The following DNAI3 variants were observed in gnomAD, a reference collection of about 807,000 sequenced individuals.
DNAI3 encodes WD repeat domain 63.
A neutral mutation model predicts 115.5 loss-of-function variants in DNAI3; 83 were observed. The observed-to-expected ratio is 0.72, with a 90% CI of 0.60 to 0.86. The LOEUF (loss-of-function observed/expected upper bound fraction) is 0.86, where lower values mean the gene tolerates loss of function less well. Ranked by LOEUF, DNAI3 falls within the 40% of genes least tolerant of loss-of-function variation. The pLI, the probability that DNAI3 is intolerant of heterozygous loss-of-function variation, is 0.00. For synonymous variants in DNAI3, 320 were observed against 347.0 expected, an observed-to-expected ratio of 0.92 and a Z score of 0.86; for missense variants, 1,004 against 1,075.8, an observed-to-expected ratio of 0.93 and a Z score of 0.93.
chr1:85,084,688 C>A lies in DNAI3; in HGVS notation c.533C>A (p.Thr178Lys). 2 of 1,519,668 alleles carry A rather than the reference C, an allele frequency of 1.3e-6. No individual in the cohort carries two copies. Among genetic ancestry groups the A allele is most frequent in the Non-Finnish European group, 1.8e-6 (2 of 1,132,514 alleles). The allele number at this position is 1,519,668 out of a possible 1,614,324, so 94.1% of individuals were successfully genotyped here. The change falls in exon 6 of 23, where the codon ACA becomes AAA. Residue 178 changes from threonine (T) to lysine (K), a missense_variant. Thr to Lys is a moderately conservative substitution (Grantham distance 78, BLOSUM62 -1). This residue lies in a region of DNAI3 where 550 missense variants were observed against 568.1 expected (regional missense o/e 0.97). Coordinates refer to ENST00000294664, the MANE Select transcript of DNAI3 (RefSeq NM_145172.5). ...EIEEESVTES[T>K]KQITYMISRK... Reference sequence around the variant, plus strand: ...GAGGAAGAATCAGTTACGGAATCTACAAAGCAGGTTAGAGGGTTATATATG... The same window carrying A: ...GAGGAAGAATCAGTTACGGAATCTAAAAAGCAGGTTAGAGGGTTATATATG...
At chr1:85,071,526 G>T (rs1654272453) in intron 1 of DNAI3, among the ~76,000 whole-genome samples, 2 of 152,212 alleles carry the variant, frequency 1.3e-5, no homozygotes, top group Non-Finnish European at 2.9e-5. Flanking sequence ...ACTCCCAGTG[G>T]CCTATCTTGT....
At chr1:85,095,160 G>C (rs1000662773) in intron 10 of DNAI3, among the ~76,000 whole-genome samples, 2 of 152,124 alleles carry the variant, frequency 1.3e-5, no homozygotes, top group Non-Finnish European at 2.9e-5. Flanking sequence ...GAGGCTGAAG[G>C]CTGGGTTTGC....
At chr1:85,098,785 C>CA (rs1655201559) in intron 13 of DNAI3, 127 bp downstream of exon 13, 1 of 1,372,176 alleles carries the variant, frequency 7.3e-7, no homozygotes, top group South Asian at 1.3e-5. Context: ...AACTAAGCAT[C>CA]AAAAAATGGG....
chr1:85,128,899 A>T, intron 21 of DNAI3, 100 bp downstream of exon 21: 1 of 989,102 alleles, frequency 1.0e-6, no homozygotes, highest in Non-Finnish European at 1.6e-6. Flanking sequence ...TTGCTCTGTA[A>T]GGGAACAAAA....
At chr1:85,118,687 C>T (rs1438230056) in intron 17 of DNAI3, among the ~76,000 whole-genome samples, 1 of 152,114 alleles carries the variant, frequency 6.6e-6, no homozygotes, top group Non-Finnish European at 1.5e-5. Flanking sequence ...GTGCTGGGAT[C>T]AGAAGTGAAT....
At chr1:85,103,693 C>G (rs1343887791) in intron 13 of DNAI3, among the ~76,000 whole-genome samples, 1 of 151,878 alleles carries the variant, frequency 6.6e-6, no homozygotes, top group Non-Finnish European at 1.5e-5. Context: ...TCCAAACTAG[C>G]CTGGCCAACA....
chr1:85,072,415 G>A lies in DNAI3; in HGVS notation c.64+410G>A, dbSNP rs538526449. ...TCCCAGCACTTTGGGAGGCCGAGGC[G>A]GTTGGATCACGAGGTCAGGAGTTCG... On this transcript the variant is annotated intron_variant, in intron 2 of 22. Coordinates refer to ENST00000294664, the MANE Select transcript of DNAI3 (RefSeq NM_145172.5). Among the ~76,000 whole-genome samples, 19 of 152,098 alleles carry A rather than the reference G, an allele frequency of 1.2e-4. No individual in the cohort carries two copies. In the South Asian group the frequency reaches 2.9e-3, roughly 23 times the overall value.
At chr1:85,111,402 A>C (rs920952841) in intron 16 of DNAI3, among the ~76,000 whole-genome samples, 3 of 152,008 alleles carry the variant, frequency 2.0e-5, no homozygotes. Flanking sequence ...GTATTTGATC[A>C]TTGGTTATAA....
Position 85,084,595 on chromosome 1 carries a change from A to C in DNAI3, c.440A>C (p.Glu147Ala). The change falls in exon 6 of 23, where the codon GAA becomes GCA. Residue 147 changes from glutamate (E) to alanine (A), a missense_variant. By Grantham distance (107) the Glu-to-Ala change is moderately radical. Around this residue, in one of 3 missense-constraint regions of DNAI3, gnomAD observed 550 missense variants for 568.1 expected, o/e 0.97. Coordinates refer to ENST00000294664, the MANE Select transcript of DNAI3 (RefSeq NM_145172.5). The stretch of plus-strand genomic sequence containing the variant: ...GAAGAATATAAAGAACATATTCCTG[A>C]AGATGTGTATATTTATAAACCACCT... Reference protein sequence around the residue: ...EQEEYKEHIPEDVYIYKPPVS... With the variant: ...EQEEYKEHIPADVYIYKPPVS... The C allele has an allele frequency of 6.4e-7, 1 of 1,557,316 alleles. No homozygotes were observed. The highest frequency in any genetic ancestry group is 8.7e-7 in the Non-Finnish European group (1 of 1,153,780).
intron 17 of DNAI3, among the ~76,000 whole-genome samples, chr1:85,121,228 C>T (rs549386175): frequency 3.3e-4 from 50 of 152,316 alleles, no homozygotes; most frequent in African/African-American, 1.1e-3. Context: ...CTCCTTAAAA[C>T]GGCCATAAGA....
chr1:85,081,704 G>C lies in DNAI3; in HGVS notation c.285+289G>C, dbSNP rs151154947. Among the ~76,000 whole-genome samples the C allele has an allele frequency of 9.9e-5, 15 of 152,272 alleles. No individual in the cohort carries two copies. In the East Asian group the frequency reaches 2.9e-3, roughly 29 times the overall value. On this transcript the variant is annotated intron_variant, in intron 4 of 22. Transcript: ENST00000294664. ...GGTTTCACTCCTGTCTCCCAGGCTAGAGACGCAATCATGGCGCACTGCAAC... is the reference window on the plus strand; with the variant it reads ...GGTTTCACTCCTGTCTCCCAGGCTACAGACGCAATCATGGCGCACTGCAAC...
At chr1:85,071,299 C>T (rs537065639) in intron 1 of DNAI3, among the ~76,000 whole-genome samples, 4 of 152,150 alleles carry the variant, frequency 2.6e-5, no homozygotes, top group South Asian at 2.1e-4. Flanking sequence ...GTGAGCATGG[C>T]GGAGATGACA....
At position 85,120,534 on chromosome 1, in the gene DNAI3, C is replaced by T. The variant is rs927326030; in HGVS notation, c.1918-1217C>T. ...TATTAGATTGGTTCCAACTAGTCCT[C>T]GTTGACTTGGTTCAATTTCATTGTT... On this transcript the variant is annotated intron_variant, in intron 17 of 22. Transcript: ENST00000294664. Among the ~76,000 whole-genome samples, 45 of 152,290 alleles carry T rather than the reference C, an allele frequency of 3.0e-4. 1 individual carries two copies. In the Middle Eastern group the frequency reaches 0.01, roughly 35 times the overall value.
Position 85,124,223 on chromosome 1 carries a change from A to G in DNAI3, c.2084A>G (p.Asn695Ser), listed in dbSNP as rs754663752. 9.3e-6 allele frequency: 15 copies of G among 1,610,222 alleles called. No individual in the cohort carries two copies. In the East Asian group the frequency reaches 3.4e-4, roughly 36 times the overall value. Reference sequence around the variant, plus strand: ...ATTATTCTCACGGTTGGAGGTTGGAACGTGGCCATATGGAAAGAAGGTGTT... The same window carrying G: ...ATTATTCTCACGGTTGGAGGTTGGAGCGTGGCCATATGGAAAGAAGGTGTT... ...NDIILTVGGW[N>S]VAIWKEGVMT... Residue 695 changes from asparagine (N) to serine (S), a missense_variant, in exon 19 of 23, where the codon AAC becomes AGC. Asn to Ser is a conservative substitution (Grantham distance 46). This residue lies in a region of DNAI3 where 429 missense variants were observed against 454.3 expected (regional missense o/e 0.94). Transcript: ENST00000294664.
chr1:85,100,926 G>A (rs1238627463), intron 13 of DNAI3, among the ~76,000 whole-genome samples: 1 of 144,872 alleles, frequency 6.9e-6, no homozygotes, highest in East Asian at 2.1e-4. Context: ...TGAACAATGA[G>A]AACACATGGA....
At chr1:85,103,203 G>A (rs1271202140) in intron 13 of DNAI3, among the ~76,000 whole-genome samples, 1 of 152,108 alleles carries the variant, frequency 6.6e-6, no homozygotes, top group Non-Finnish European at 1.5e-5. Flanking sequence ...TTAGAGAATT[G>A]AGGAAAGTCA....
intron 13 of DNAI3, among the ~76,000 whole-genome samples, chr1:85,103,805 T>C (rs1220842184): frequency 2.0e-5 from 3 of 151,462 alleles, no homozygotes; most frequent in Non-Finnish European, 2.9e-5. Flanking sequence ...GAGAATCACT[T>C]GAACCTGGGA....
intron 11 of DNAI3, 76 bp from the exon 12 acceptor site, chr1:85,097,493 C>T: frequency 7.2e-7 from 1 of 1,382,690 alleles, no homozygotes; most frequent in Middle Eastern, 1.9e-4. Flanking sequence ...AGGCTACAAA[C>T]CAATAGTTAA....
chr1:85,062,578 T>A (rs190062455), intron 1 of DNAI3, 92 bp downstream of exon 1: 19 of 152,346 alleles, frequency 1.2e-4, no homozygotes, highest in African/African-American at 4.3e-4. Context: ...GTGTCAGCAA[T>A]GTGCTAGGCT....
Sources: allele counts gnomAD v4.1 joint callset (sites outside exome capture counted in the v4.1 genomes callset), GRCh38; gene constraint gnomAD v4.1.1; regional missense constraint gnomAD v4.1.1; transcripts MANE v1.5; gene names NCBI Gene and HGNC (gene_info 2026-07-23, HGNC 2026-07-21).